CS: variants seen among roughly 807,000 people sequenced by gnomAD.
The protein encoded by CS is citrate synthase, mitochondrial.
Under a neutral mutation model 61.4 loss-of-function variants are expected in CS, and 13 were observed. The ratio of observed to expected loss-of-function variants is 0.21; its 90% CI spans 0.14 to 0.34. CS has a LOEUF of 0.34. CS is among the 10% of genes least tolerant of loss of function. CS has a pLI of 1.00. For missense variants in CS, 278 were observed against 573.4 expected (o/e 0.48, Z 5.26); for synonymous variants, 159 against 215.2 (o/e 0.74, Z 2.29).
intron 1 of CS, among the ~76,000 whole-genome samples, chr12:56,298,197 C>T (rs1424549708): frequency 6.6e-6 from 1 of 152,044 alleles, no homozygotes; most frequent in Non-Finnish European, 1.5e-5. Context: ...GAGGTTTCTC[C>T]ATGTTGGTCA....
intron 1 of CS, chr12:56,298,641 A>G: frequency 1.1e-5 from 11 of 985,468 alleles, no homozygotes; most frequent in Non-Finnish European, 1.2e-5. Flanking sequence ...AGCAACAGCC[A>G]AGTAAGACAA....
At chr12:56,273,425 A>T (rs1872558950) in intron 10 of CS, 162 bp downstream of exon 10, 1 of 983,462 alleles carries the variant, frequency 1.0e-6, no homozygotes, top group Non-Finnish European at 1.5e-6. Context: ...GGGATTCTGA[A>T]AACAGAGCAA....
At chr12:56,289,345 T>TAG (rs1873042634) in intron 1 of CS, among the ~76,000 whole-genome samples, 3 of 152,182 alleles carry the variant, frequency 2.0e-5, no homozygotes, top group African/African-American at 7.2e-5. Context: ...GATTCCCTAC[T>TAG]AGAGAGGCCC....
intron 3 of CS, chr12:56,285,279 A>T (rs1565621784): frequency 6.7e-6 from 3 of 445,258 alleles, no homozygotes; most frequent in Non-Finnish European, 1.4e-5. Context: ...AGAAATCACT[A>T]TCTTTCTTTT....
At chr12:56,299,378 TA>T (rs1873406331) in intron 1 of CS, among the ~76,000 whole-genome samples, 1 of 152,176 alleles carries the variant, frequency 6.6e-6, no homozygotes, top group Non-Finnish European at 1.5e-5. Context: ...AAAGTAGACT[TA>T]AGATCAACGG....
chr12:56,286,272 A>C, intron 2 of CS: 1 of 558,314 alleles, frequency 1.8e-6, no homozygotes, highest in Non-Finnish European at 3.2e-6. Context: ...TTGCACAATA[A>C]TGTAAACATA....
At chr12:56,293,060 T>C (rs1442002532) in intron 1 of CS, among the ~76,000 whole-genome samples, 3 of 152,162 alleles carry the variant, frequency 2.0e-5, no homozygotes, top group Admixed American at 6.6e-5. Context: ...TGAGCTGAGA[T>C]TGTGCTACTG....
Position 56,276,078 on chromosome 12 carries a change from A to G in CS, c.706T>C (p.Trp236Arg). Reference protein sequence around the residue: ...GIGAIDSNLDWSHNFTNMLGY... With the variant: ...GIGAIDSNLDRSHNFTNMLGY... The stretch of plus-strand genomic sequence containing the variant: ...AACATGTTGGTGAAATTGTGAGACC[A>G]GTCCAGGTTAGAGTCAATGGCCCCA... Residue 236 changes from tryptophan to arginine, a missense_variant, in exon 7 of 11, where the codon TGG (tryptophan) becomes CGG (arginine). Around this residue, in one of 2 missense-constraint regions of CS, gnomAD observed 223 missense variants for 503.5 expected, o/e 0.44. Coordinates refer to ENST00000351328, the MANE Select transcript of CS (RefSeq NM_004077.3). 6.2e-7 allele frequency: 1 copy of G among 1,614,232 alleles called. No individual in the cohort carries two copies.
At chr12:56,293,675 T>C (rs140488289) in intron 1 of CS, among the ~76,000 whole-genome samples, 6,998 of 151,800 alleles carry the variant, frequency 0.046, 227 homozygotes, top group Non-Finnish European at 0.069. Flanking sequence ...GATTGCGCCA[T>C]TGCACTCCAG....
chr12:56,283,430 A>C (rs904366625), intron 4 of CS, among the ~76,000 whole-genome samples: 2 of 152,048 alleles, frequency 1.3e-5, no homozygotes, highest in African/African-American at 4.8e-5. Flanking sequence ...TTTTTAGTAC[A>C]GACAGGGTTT....
chr12:56,279,591 C>T (rs999470109), intron 6 of CS, among the ~76,000 whole-genome samples: 1 of 151,962 alleles, frequency 6.6e-6, no homozygotes, highest in African/African-American at 2.4e-5. Context: ...ACGGTGAAAC[C>T]CCGACTCTAC....
intron 1 of CS, 102 bp downstream of exon 1, chr12:56,300,058 G>C: frequency 8.4e-7 from 1 of 1,188,234 alleles, no homozygotes; most frequent in Non-Finnish European, 1.2e-6. Flanking sequence ...TTTAAGGCGC[G>C]CAGGGTGCGC....
At chr12:56,290,914 G>A (rs575169042) in intron 1 of CS, among the ~76,000 whole-genome samples, 8 of 152,186 alleles carry the variant, frequency 5.3e-5, no homozygotes, top group South Asian at 2.1e-4. Flanking sequence ...TGACCTCCTC[G>A]CCAGAAGTAT....
At chr12:56,286,481 C>A (rs748105463) in intron 2 of CS, 114 bp downstream of exon 2, 6 of 773,924 alleles carry the variant, frequency 7.8e-6, no homozygotes, top group Non-Finnish European at 1.3e-5. Context: ...TAGTAACAAA[C>A]ACTTCCAGGA....
rs1872564958 is a variant in CS, at chr12:56,273,699, A to G, written c.1118T>C (p.Met373Thr). Residue 373 changes from methionine to threonine, a missense_variant, in exon 10 of 11, where the codon ATG becomes ACG. Transcript: ENST00000351328. ...FALKHLPNDP[M>T]FKLVAQLYKI... ...GTACAGCTGAGCAACCAACTTAAAC[A>G]TGGGGTCATTAGGCAGGTGTTTCAG... 3 of 1,614,134 alleles carry G rather than the reference A, an allele frequency of 1.9e-6. No individual in the cohort carries two copies. The highest frequency in any genetic ancestry group is 2.5e-6 in the Non-Finnish European group (3 of 1,180,018).
chr12:56,273,370 C>A, intron 10 of CS, 116 bp from the exon 11 acceptor site: 1 of 1,145,486 alleles, frequency 8.7e-7, no homozygotes, highest in South Asian at 1.5e-5. Context: ...GGACTTAGCC[C>A]AGTCAACCTT....
intron 3 of CS, among the ~76,000 whole-genome samples, chr12:56,284,586 TTTC>T (rs1872878435): frequency 6.7e-6 from 1 of 149,698 alleles, no homozygotes; most frequent in Non-Finnish European, 1.5e-5. Context: ...AATTTTTGTA[TTTC>T]TTTTTTTTTT....
At position 56,285,959 on chromosome 12, in the gene CS, T is replaced by C; in HGVS notation, c.158A>G (p.Gln53Arg). ...GCCCACCACCGTCTTGCCATGTTGC[T>C]GCCTGAAAGTCTTAATTCTGGCCTG... ...KEQARIKTFR[Q>R]QHGKTVVGQI... Residue 53 changes from glutamine (Q) to arginine (R), a missense_variant, in exon 3 of 11, where the codon CAG (glutamine) becomes CGG (arginine). Gln to Arg is a conservative substitution (Grantham distance 43). This residue lies in a region of CS where 55 missense variants were observed against 69.9 expected (regional missense o/e 0.79). Coordinates refer to ENST00000351328, the MANE Select transcript of CS (RefSeq NM_004077.3). 4 of 1,613,262 alleles carry C rather than the reference T, an allele frequency of 2.5e-6. No individual in the cohort carries two copies. The highest frequency in any genetic ancestry group is 3.4e-6 in the Non-Finnish European group (4 of 1,179,988).
At chr12:56,290,125 AC>A (rs1280681882) in intron 1 of CS, among the ~76,000 whole-genome samples, 17 of 151,252 alleles carry the variant, frequency 1.1e-4, no homozygotes, top group African/African-American at 4.1e-4. Context: ...CAAACTCCTG[AC>A]CTCAAATGAT....
Sources: gnomAD v4.1 joint callset for allele counts (sites outside exome capture counted in the v4.1 genomes callset) on GRCh38, gnomAD v4.1.1 for gene constraint, gnomAD v4.1.1 regional missense constraint, MANE v1.5 for transcripts, NCBI Gene and HGNC (gene_info 2026-07-23, HGNC 2026-07-21) for gene names.